CWF19L2: variants seen among roughly 807,000 people sequenced by gnomAD.
CWF19L2 encodes CWF19-like protein 2.
Under a neutral mutation model 111.7 loss-of-function variants are expected in CWF19L2, and 98 were observed. The ratio of observed to expected loss-of-function variants is 0.88; its 90% confidence interval spans 0.75 to 1.04. The LOEUF (loss-of-function observed/expected upper bound fraction) is 1.04. Ranked by LOEUF, CWF19L2 falls within the 50% of genes least tolerant of loss-of-function variation. The pLI, the probability that CWF19L2 is intolerant of heterozygous loss-of-function variation, is 0.00. For missense variants in CWF19L2, 1,101 were observed against 1,051.4 expected, an observed-to-expected ratio of 1.05 and a Z score of -0.65; for synonymous variants, 351 against 342.9, an observed-to-expected ratio of 1.02 and a Z score of -0.26.
At chr11:107,370,483 T>C (rs1446776183) in intron 12 of CWF19L2, among the ~76,000 whole-genome samples, 2 of 133,728 alleles carry the variant, frequency 1.5e-5, no homozygotes, top group African/African-American at 3.0e-5. Flanking sequence ...AAAACTAACA[T>C]ATTAGAGAGA....
intron 12 of CWF19L2, among the ~76,000 whole-genome samples, chr11:107,360,419 T>C (rs1002650937): frequency 1.3e-5 from 2 of 152,260 alleles, no homozygotes; most frequent in East Asian, 1.9e-4. Flanking sequence ...TTATCTTTAA[T>C]CTTGTGAACA....
At chr11:107,350,962 G>A (rs1380602199) in intron 13 of CWF19L2, among the ~76,000 whole-genome samples, 2 of 152,216 alleles carry the variant, frequency 1.3e-5, no homozygotes, top group African/African-American at 4.8e-5. Flanking sequence ...GAGATGATGA[G>A]AGGAAGGCTG....
chr11:107,329,885 A>T (rs957216009), intron 17 of CWF19L2, 33 bp downstream of exon 17: 1 of 1,455,726 alleles, frequency 6.9e-7, no homozygotes, highest in Non-Finnish European at 9.3e-7. Flanking sequence ...CCAAATTGCT[A>T]ACTCTGGGAT....
intron 10 of CWF19L2, chr11:107,404,428 G>A: frequency 2.6e-6 from 2 of 777,852 alleles, no homozygotes; most frequent in African/African-American, 1.7e-5. Context: ...TAGTACCAGA[G>A]GATGCCATGA....
intron 8 of CWF19L2, among the ~76,000 whole-genome samples, chr11:107,424,231 A>G (rs2135404357): frequency 6.6e-6 from 1 of 150,588 alleles, no homozygotes; most frequent in East Asian, 2.0e-4. Flanking sequence ...TTCTACTTTT[A>G]TAACTGAAAT....
At chr11:107,432,448 T>C (rs1457675813) in intron 7 of CWF19L2, among the ~76,000 whole-genome samples, 1 of 152,102 alleles carries the variant, frequency 6.6e-6, no homozygotes, top group Non-Finnish European at 1.5e-5. Flanking sequence ...CCAGGCGTGG[T>C]GGTGTGCTCC....
chr11:107,437,194 C>T (rs1240932368), intron 6 of CWF19L2, among the ~76,000 whole-genome samples: 3 of 152,100 alleles, frequency 2.0e-5, no homozygotes, highest in East Asian at 3.9e-4. Context: ...CCAGACACTG[C>T]TAAAACATTT....
At chr11:107,353,854 A>G in intron 12 of CWF19L2, 118 bp from the exon 13 acceptor site, 1 of 703,768 alleles carries the variant, frequency 1.4e-6, no homozygotes, top group South Asian at 1.9e-5. Context: ...CATTTAAAAG[A>G]AAAGAAAAAA....
chr11:107,372,450 A>T (rs1343248759), intron 12 of CWF19L2, among the ~76,000 whole-genome samples: 3 of 136,782 alleles, frequency 2.2e-5, no homozygotes, highest in African/African-American at 8.8e-5. Flanking sequence ...ATGAAAATCA[A>T]CACGGATGGA....
At chr11:107,442,537 G>T (rs1861632567) in intron 4 of CWF19L2, among the ~76,000 whole-genome samples, 1 of 1,592 alleles carries the variant, frequency 6.3e-4, no homozygotes, top group Non-Finnish European at 1.1e-3. Context: ...AAAAAAATTA[G>T]CCAGGCGTGG....
intron 3 of CWF19L2, among the ~76,000 whole-genome samples, chr11:107,444,883 A>T (rs1304004924): frequency 1.3e-5 from 2 of 152,156 alleles, no homozygotes; most frequent in South Asian, 2.1e-4. Flanking sequence ...TGAATACATG[A>T]TTACCATACG....
intron 3 of CWF19L2, among the ~76,000 whole-genome samples, chr11:107,446,792 AT>A (rs200396815): frequency 9.6e-6 from 1 of 104,502 alleles, no homozygotes; most frequent in Non-Finnish European, 2.4e-5. Context: ...ACCTATACTC[AT>A]TTTCACAATT....
At chr11:107,340,914 C>G (rs1019427141) in intron 14 of CWF19L2, among the ~76,000 whole-genome samples, 9 of 152,046 alleles carry the variant, frequency 5.9e-5, no homozygotes, top group African/African-American at 2.2e-4. Context: ...TAGATTTGTA[C>G]CTTCGTCCAT....
At chr11:107,450,833 A>T (rs1185756516) in intron 3 of CWF19L2, among the ~76,000 whole-genome samples, 1 of 152,174 alleles carries the variant, frequency 6.6e-6, no homozygotes, top group Non-Finnish European at 1.5e-5. Flanking sequence ...TATGTACCTA[A>T]TAAAGCTTCA....
intron 12 of CWF19L2, among the ~76,000 whole-genome samples, chr11:107,359,706 A>G (rs1860294216): frequency 6.6e-6 from 1 of 152,024 alleles, no homozygotes; most frequent in Non-Finnish European, 1.5e-5. Flanking sequence ...GACTCCTTGA[A>G]CCCAGGAGTT....
In CWF19L2 at chr11:107,353,532, C is replaced by T. The variant is rs1191777195; in HGVS notation, c.2077G>A (p.Gly693Ser). 1.2e-6 allele frequency: 2 copies of T among 1,612,128 alleles called. No homozygotes were observed. The highest frequency in any genetic ancestry group is 8.5e-7 in the Non-Finnish European group (1 of 1,178,542). The change falls in exon 13 of 18, where the codon GGT becomes AGT. Residue 693 changes from glycine to serine, a missense_variant. Coordinates refer to ENST00000282251, the MANE Select transcript of CWF19L2 (RefSeq NM_152434.3). ...TAATAAATACTTCTTACCTTAACAC[C>T]TATTGCAACAATAAGATGCTTGGGA... ...QFPKHLIVAI[G>S]VKVYLCLPNV... is the part of the protein sequence containing the mutation.
intron 12 of CWF19L2, among the ~76,000 whole-genome samples, chr11:107,356,381 C>T (rs1333948749): frequency 2.0e-5 from 3 of 152,070 alleles, no homozygotes; most frequent in East Asian, 1.9e-4. Context: ...TTATTTAACA[C>T]CATTACTGAA....
At chr11:107,403,604 T>TCC (rs1861037674) in intron 10 of CWF19L2, 1 of 786,058 alleles carries the variant, frequency 1.3e-6, no homozygotes, top group African/African-American at 1.7e-5. Flanking sequence ...AAGGTGTGTC[T>TCC]TCTCTGTCTC....
At chr11:107,344,188 G>C (rs894499985) in intron 14 of CWF19L2, among the ~76,000 whole-genome samples, 1 of 152,092 alleles carries the variant, frequency 6.6e-6, no homozygotes, top group African/African-American at 2.4e-5. Context: ...ACTCCAGCCT[G>C]GGTAACAGAG....
Sources: allele counts gnomAD v4.1 joint callset (sites outside exome capture counted in the v4.1 genomes callset), GRCh38; gene constraint gnomAD v4.1.1; transcripts MANE v1.5; gene names NCBI Gene and HGNC (gene_info 2026-07-23, HGNC 2026-07-21).